The following ATRNL1 variants were observed in gnomAD, a reference collection of about 807,000 sequenced individuals.
ATRNL1 encodes the protein attractin-like protein 1.
ATRNL1 carries 95 observed loss-of-function variants against 182.7 expected under a neutral mutation model. The ratio of observed to expected loss-of-function variants is 0.52; its 90% CI spans 0.44 to 0.62. The LOEUF is 0.62. ATRNL1 is among the 20% of genes least tolerant of loss of function. The pLI, the probability that ATRNL1 is intolerant of heterozygous loss-of-function variation, is 0.00. For missense variants in ATRNL1, 1,471 were observed against 1,679.5 expected, an observed-to-expected ratio of 0.88 and a Z score of 2.17; for synonymous variants, 576 against 568.3, an observed-to-expected ratio of 1.01 and a Z score of -0.19.
At chr10:115,238,716 C>T (rs1200936279) in intron 9 of ATRNL1, among the ~76,000 whole-genome samples, 3 of 152,112 alleles carry the variant, frequency 2.0e-5, no homozygotes, top group Non-Finnish European at 2.9e-5. Context: ...TTTCTTCCTT[C>T]CCAATCTGTA....
intron 24 of ATRNL1, among the ~76,000 whole-genome samples, chr10:115,486,328 T>G (rs945789911): frequency 6.6e-6 from 1 of 152,186 alleles, no homozygotes; most frequent in Non-Finnish European, 1.5e-5. Flanking sequence ...CACACTGTCT[T>G]CCACAATGGT....
At chr10:115,628,721 T>A (rs1205009845) in intron 26 of ATRNL1, among the ~76,000 whole-genome samples, 3 of 152,202 alleles carry the variant, frequency 2.0e-5, no homozygotes, top group Non-Finnish European at 4.4e-5. Flanking sequence ...TATAATTAGG[T>A]ATTTGATCAA....
At chr10:115,525,403 T>C (rs1304979931) in intron 25 of ATRNL1, among the ~76,000 whole-genome samples, 5 of 152,212 alleles carry the variant, frequency 3.3e-5, no homozygotes, top group African/African-American at 1.2e-4. Flanking sequence ...TCTCCATCTT[T>C]TTATGGCAAT....
At chr10:115,308,542 T>C (rs193249848) in intron 17 of ATRNL1, among the ~76,000 whole-genome samples, 24 of 152,260 alleles carry the variant, frequency 1.6e-4, no homozygotes, top group African/African-American at 5.5e-4. Flanking sequence ...TGACAATTTC[T>C]TACAGATTGA....
At chr10:115,696,305 T>C (rs1946558066) in intron 26 of ATRNL1, among the ~76,000 whole-genome samples, 1 of 152,154 alleles carries the variant, frequency 6.6e-6, no homozygotes, top group South Asian at 2.1e-4. Context: ...ATGGTCTTTA[T>C]AATGGAATGA....
intron 21 of ATRNL1, among the ~76,000 whole-genome samples, chr10:115,439,206 A>G (rs1432516455): frequency 1.3e-5 from 2 of 151,914 alleles, no homozygotes; most frequent in African/African-American, 4.8e-5. Context: ...GAGGATGAGG[A>G]AGAGGAGGGG....
chr10:115,559,460 G>A lies in ATRNL1; in HGVS notation c.3795+9924G>A, dbSNP rs912425785. On this transcript the variant is annotated intron_variant, in intron 26 of 28. Transcript: ENST00000355044. ...TGTGTGTGTGCGCGCGCGCACGCAC[G>A]CACATGCGCAACCCTTCTTACGTTT... is the stretch of plus-strand genomic sequence containing the variant. 1.7e-4 allele frequency among the ~76,000 whole-genome samples: 26 copies of A among 150,174 alleles called. No individual in the cohort carries two copies. The South Asian group carries it at 2.1e-3, about 12-fold the overall frequency.
chr10:115,276,108 C>T (rs1393869154), intron 13 of ATRNL1, among the ~76,000 whole-genome samples: 3 of 151,972 alleles, frequency 2.0e-5, no homozygotes, highest in Non-Finnish European at 2.9e-5. Flanking sequence ...TATCTGGTGA[C>T]GGCCTACTTT....
intron 21 of ATRNL1, among the ~76,000 whole-genome samples, chr10:115,459,817 C>T (rs917041090): frequency 2.6e-5 from 4 of 152,062 alleles, no homozygotes; most frequent in African/African-American, 7.2e-5. Flanking sequence ...TGGGGCATCA[C>T]GGATCCTACC....
chr10:115,100,938 C>G (rs1343703021), intron 1 of ATRNL1, among the ~76,000 whole-genome samples: 2 of 152,120 alleles, frequency 1.3e-5, no homozygotes, highest in African/African-American at 4.8e-5. Context: ...AGATCTTGCA[C>G]CTCTTTTGTC....
At chr10:115,146,101 C>T (rs187738372) in intron 5 of ATRNL1, among the ~76,000 whole-genome samples, 1 of 151,786 alleles carries the variant, frequency 6.6e-6, no homozygotes, top group East Asian at 1.9e-4. Context: ...ATATCAGCAA[C>T]CTGCATTTGA....
rs1554956904 is a variant in ATRNL1 at position 115,401,196 on chromosome 10, T to C, written c.3269+6444T>C. Among the ~76,000 whole-genome samples the C allele has an allele frequency of 4.6e-5, 7 of 152,166 alleles. No homozygotes were observed. The South Asian group carries it at 1.5e-3, about 32-fold the overall frequency. ...GAATAGTCACAGCCTCTTATTAGAA[T>C]GGGCACTTACAGAGACCAGGAAATA... is the stretch of plus-strand genomic sequence containing the variant. On this transcript the variant is annotated intron_variant, in intron 20 of 28. Coordinates refer to ENST00000355044, the MANE Select transcript of ATRNL1 (RefSeq NM_207303.4).
At chr10:115,534,257 C>T (rs1471090079) in intron 25 of ATRNL1, among the ~76,000 whole-genome samples, 9 of 151,196 alleles carry the variant, frequency 6.0e-5, no homozygotes, top group Non-Finnish European at 1.2e-4. Context: ...TTGCAGGTCA[C>T]TCAGGACTTG....
intron 26 of ATRNL1, among the ~76,000 whole-genome samples, chr10:115,647,456 C>T (rs1375631448): frequency 2.0e-5 from 3 of 152,154 alleles, no homozygotes; most frequent in Admixed American, 1.3e-4. Flanking sequence ...TCCTCTCCGG[C>T]ACCTGTTGTT....
At chr10:115,227,366 A>T (rs11197126) in intron 9 of ATRNL1, among the ~76,000 whole-genome samples, 2 of 152,078 alleles carry the variant, frequency 1.3e-5, no homozygotes. Flanking sequence ...GTATCACACC[A>T]GTCAGAATGG....
At chr10:115,943,154 A>G (rs1259641150) in intron 28 of ATRNL1, among the ~76,000 whole-genome samples, 1 of 152,190 alleles carries the variant, frequency 6.6e-6, no homozygotes, top group Admixed American at 6.5e-5. Context: ...TCTTTCTTCC[A>G]TGTCCATTTG....
intron 7 of ATRNL1, among the ~76,000 whole-genome samples, chr10:115,170,126 A>G (rs1847231549): frequency 6.6e-6 from 1 of 152,088 alleles, no homozygotes; most frequent in Non-Finnish European, 1.5e-5. Context: ...GGATGTCTTT[A>G]TTTAGTTTTT....
At chr10:115,136,665 C>G (rs1303113033) in intron 5 of ATRNL1, among the ~76,000 whole-genome samples, 1 of 152,164 alleles carries the variant, frequency 6.6e-6, no homozygotes, top group African/African-American at 2.4e-5. Flanking sequence ...TGCCTTTTCC[C>G]AAATATCATA....
chr10:115,414,673 GTA>G (rs1456231560), intron 20 of ATRNL1, among the ~76,000 whole-genome samples: 1 of 151,688 alleles, frequency 6.6e-6, no homozygotes, highest in Non-Finnish European at 1.5e-5. Flanking sequence ...TTTCATAAAA[GTA>G]AAGCTGTATG....
Sources: gnomAD v4.1 joint callset for allele counts (sites outside exome capture counted in the v4.1 genomes callset) on GRCh38, gnomAD v4.1.1 for gene constraint, MANE v1.5 for transcripts, NCBI Gene and HGNC (gene_info 2026-07-23, HGNC 2026-07-21) for gene names.